SPIN3: variants seen among roughly 807,000 people sequenced by gnomAD.
The protein encoded by SPIN3 is spindlin family member 3, also known as spindlin-3.
For missense variants in SPIN3, 176 were observed against 196.4 expected (o/e 0.90, Z 0.62); for synonymous variants, 74 against 74.3 (o/e 1.00, Z 0.02).
chrX:56,985,607 G>A (rs778855640), intron 2 of SPIN3, among the ~76,000 whole-genome samples: 15 of 112,144 alleles, frequency 1.3e-4, no homozygotes, highest in Non-Finnish European at 2.1e-4. Flanking sequence ...CCCCAAGGGC[G>A]CTGCTTAATA....
Position 56,991,819 on chromosome X carries a change from A to G in SPIN3, c.*2352T>C, listed in dbSNP as rs1252900880. On this transcript the variant is annotated 3_prime_UTR_variant, in exon 2 of 2. Transcript: ENST00000374919. ...ACTCTAAGGCTACATTACACCCTAGACTGAAAATTTGATCACAATTGCAGC... is the reference window on the plus strand; with the variant it reads ...ACTCTAAGGCTACATTACACCCTAGGCTGAAAATTTGATCACAATTGCAGC... The G allele has an allele frequency of 4.4e-5, 9 of 203,260 alleles. No individual in the cohort carries two copies. Among genetic ancestry groups the G allele is most frequent in the Non-Finnish European group, 7.1e-5 (8 of 111,941 alleles). The allele number at this position is 203,260 out of a possible 1,213,427, so 16.8% of individuals were successfully genotyped here. A position where few individuals can be genotyped will look rare whatever the true frequency, so the allele number is the denominator to read the frequency against.
downstream of SPIN3, among the ~76,000 whole-genome samples, chrX:56,986,563 G>A (rs143114698): frequency 5.5e-4 from 61 of 111,765 alleles, 1 homozygote; most frequent in East Asian, 0.016. Flanking sequence ...ATTAAGATGT[G>A]CCCAACACAT....
rs1924425388 is a variant in SPIN3, at chrX:56,994,228, G to A, written c.720C>T (p.Phe240=). The part of the protein sequence containing the change: ...HQVEAKPSVY[F]IKFDDDFHIY... ...TATGGAAATCATCATCAAATTTGAT[G>A]AAGTACACAGAGGGTTTTGCTTCTA... Residue 240 remains phenylalanine, a synonymous_variant, in exon 2 of 2, where the codon TTC becomes TTT. Transcript: ENST00000374919. 2.5e-6 allele frequency: 3 copies of A among 1,209,863 alleles called. No homozygotes were observed. The East Asian group carries it at 8.9e-5, about 36-fold the overall frequency.
rs1478878816 is a variant in SPIN3, at chrX:56,993,240, A to G, written c.*931T>C. ...TTTGATTCTAGGTTTCTCCTCTTTC[A>G]TTTTGAGGTTCTGGACAGATCTGTC... On this transcript the variant is annotated 3_prime_UTR_variant, in exon 2 of 2. Transcript: ENST00000374919. The G allele has an allele frequency of 8.9e-6, 1 of 111,781 alleles. No homozygotes were observed. Among genetic ancestry groups the G allele is most frequent in the African/African-American group, 3.3e-5 (1 of 30,719 alleles). 9.2% of individuals were successfully genotyped at this position (111,781 alleles called of 1,213,427 possible).
At chrX:56,979,862 C>T (rs1370240231) in intron 3 of SPIN3, 2 of 112,270 alleles carry the variant, frequency 1.8e-5, no homozygotes, top group African/African-American at 6.5e-5. Flanking sequence ...ATTCTCTGGA[C>T]TTGGTCCTAA....
rs764698694 is a variant in SPIN3 at position 56,992,599 on chromosome X, T to A, written c.*1572A>T. ...TGAACTTAAACTAATTTGGAAGATATCTTGCAGTACAGTCCCAATATGATT... is the reference window on the plus strand; with the variant it reads ...TGAACTTAAACTAATTTGGAAGATAACTTGCAGTACAGTCCCAATATGATT... On this transcript the variant is annotated 3_prime_UTR_variant, in exon 2 of 2. Transcript: ENST00000374919. The A allele has an allele frequency of 3.4e-6, 1 of 295,405 alleles. No individual in the cohort carries two copies. The highest frequency in any genetic ancestry group is 2.1e-4 in the South Asian group (1 of 4,794). 24.3% of individuals were successfully genotyped at this position (295,405 alleles called of 1,213,427 possible). A position where few individuals can be genotyped will look rare whatever the true frequency, so the allele number is the denominator to read the frequency against.
At chrX:56,995,087 G>T in intron 1 of SPIN3, 129 bp downstream of exon 1, 1 of 747,091 alleles carries the variant, frequency 1.3e-6, no homozygotes, top group Non-Finnish European at 1.9e-6. Flanking sequence ...AGATAGCAAA[G>T]CTGGAAATCA....
chrX:56,984,399 C>A (rs1924179137), exon 3 of SPIN3: 7 of 315,172 alleles, frequency 2.2e-5, no homozygotes, highest in South Asian at 1.4e-4. Flanking sequence ...GGTGCTCACA[C>A]CGGTGGACAC....
rs937877744 is a variant in SPIN3, at chrX:56,995,229, GCA to G, written c.-18_-17del. Reference sequence around the variant, plus strand: ...TTCCAACACTACCCGGCCAGGAGGCGCAGATTCCCCACCGTCCCGGATTGCGG... The same window carrying G: ...TTCCAACACTACCCGGCCAGGAGGCGGATTCCCCACCGTCCCGGATTGCGG... On this transcript the variant is annotated 5_prime_UTR_variant, in exon 1 of 2. Coordinates refer to ENST00000374919, the MANE Select transcript of SPIN3 (RefSeq NM_001010862.3). 5 of 302,560 alleles carry G rather than the reference GCA, an allele frequency of 1.7e-5. No individual in the cohort carries two copies. In the Admixed American group the frequency reaches 2.8e-4, roughly 17 times the overall value. The allele number at this position is 302,560 out of a possible 1,213,427, so 24.9% of individuals were successfully genotyped here. A position where few individuals can be genotyped will look rare whatever the true frequency, so the allele number is the denominator to read the frequency against.
In SPIN3 at chrX:56,992,756, A is replaced by T; in HGVS notation, c.*1415T>A. On this transcript the variant is annotated 3_prime_UTR_variant, in exon 2 of 2. Transcript: ENST00000374919. ...TGGCCAGGTGCTTCTCTCAAAAACC[A>T]TGCTTGTACTTCAACTTTTCTTTCC... is the stretch of plus-strand genomic sequence containing the variant. 3.6e-6 allele frequency: 1 copy of T among 279,214 alleles called. No individual in the cohort carries two copies. 23.0% of individuals were successfully genotyped at this position (279,214 alleles called of 1,213,427 possible).
At chrX:56,979,665 C>A (rs1459773804) in intron 3 of SPIN3, 1 of 111,759 alleles carries the variant, frequency 8.9e-6, no homozygotes, top group Non-Finnish European at 1.9e-5. Flanking sequence ...ACATTCTAAA[C>A]CATGTTAAAA....
Position 56,990,961 on chromosome X carries a change from T to C in SPIN3, c.*3210A>G, listed in dbSNP as rs1171331093. The stretch of plus-strand genomic sequence containing the variant: ...GATACACACATACCCACACACAATA[T>C]GCTTGTAAATACATGGAATATCTCT... On this transcript the variant is annotated 3_prime_UTR_variant, in exon 2 of 2. Coordinates refer to ENST00000374919, the MANE Select transcript of SPIN3 (RefSeq NM_001010862.3). 9.2e-6 allele frequency: 1 copy of C among 109,248 alleles called. No homozygotes were observed. The highest frequency in any genetic ancestry group is 1.9e-5 in the Non-Finnish European group (1 of 52,606). 9.0% of individuals were successfully genotyped at this position (109,248 alleles called of 1,213,427 possible). A position where few individuals can be genotyped will look rare whatever the true frequency, so the allele number is the denominator to read the frequency against.
chrX:56,992,104 G>A lies in SPIN3; in HGVS notation c.*2067C>T, dbSNP rs938734208. 1 of 295,596 alleles carries A rather than the reference G, an allele frequency of 3.4e-6. No homozygotes were observed. Among genetic ancestry groups the A allele is most frequent in the East Asian group, 4.8e-5 (1 of 20,982 alleles). The allele number at this position is 295,596 out of a possible 1,213,427, so 24.4% of individuals were successfully genotyped here. On this transcript the variant is annotated 3_prime_UTR_variant, in exon 2 of 2. Coordinates refer to ENST00000374919, the MANE Select transcript of SPIN3 (RefSeq NM_001010862.3). ...AAAATTCTGCCTTTCCCAATTTCTC[G>A]TTTTTCTCATTTCAGCCATATAGAT...
chrX:56,983,273 G>A (rs5960235), intron 3 of SPIN3, among the ~76,000 whole-genome samples: 60,109 of 110,302 alleles, frequency 0.54, 14,490 homozygotes, highest in Non-Finnish European at 0.75. Flanking sequence ...GTTCTTTTAC[G>A]TGCCCCGCAG....
rs765455142 is a variant in SPIN3, at chrX:56,995,295, C to T, written c.-82G>A. On this transcript the variant is annotated 5_prime_UTR_variant, in exon 1 of 2. Transcript: ENST00000374919. ...AAATCGGACACCTCGCCGTTGCCTC[C>T]GCAGTGAGCCTATGGAGGAGGAAAA... The T allele has an allele frequency of 3.3e-4, 70 of 213,067 alleles. No individual in the cohort carries two copies. The highest frequency in any genetic ancestry group is 1.4e-3 in the African/African-American group (48 of 34,650). The allele number at this position is 213,067 out of a possible 1,213,427, so 17.6% of individuals were successfully genotyped here. A position where few individuals can be genotyped will look rare whatever the true frequency, so the allele number is the denominator to read the frequency against.
chrX:56,994,400 T>G lies in SPIN3; in HGVS notation c.548A>C (p.Asp183Ala), dbSNP rs747449264. The G allele has an allele frequency of 8.3e-7, 1 of 1,209,688 alleles. No homozygotes were observed. Among genetic ancestry groups the G allele is most frequent in the Admixed American group, 2.2e-5 (1 of 45,804 alleles). Residue 183 changes from aspartate (D) to alanine (A), a missense_variant, in exon 2 of 2, where the codon GAT becomes GCT. Coordinates refer to ENST00000374919, the MANE Select transcript of SPIN3 (RefSeq NM_001010862.3). ...ATCTTGAAGGATGCGGAGGTCACCA[T>G]CTTTATAATCATCTAAGAGCTGGTA... ...YMYQLLDDYK[D>A]GDLRILQDSN...
chrX:56,993,446 T>A lies in SPIN3; in HGVS notation c.*725A>T, dbSNP rs1444372405. On this transcript the variant is annotated 3_prime_UTR_variant, in exon 2 of 2. Transcript: ENST00000374919. Reference sequence around the variant, plus strand: ...GAGCTATTGGAGACAAGAGAGACCCTAATGCCACTGATGACTAAAACCTTT... The same window carrying A: ...GAGCTATTGGAGACAAGAGAGACCCAAATGCCACTGATGACTAAAACCTTT... The A allele has an allele frequency of 9.0e-6, 1 of 111,653 alleles. No individual in the cohort carries two copies. The highest frequency in any genetic ancestry group is 1.9e-5 in the Non-Finnish European group (1 of 53,162). 9.2% of individuals were successfully genotyped at this position (111,653 alleles called of 1,213,427 possible). A position where few individuals can be genotyped will look rare whatever the true frequency, so the allele number is the denominator to read the frequency against.
downstream of SPIN3, among the ~76,000 whole-genome samples, chrX:56,988,319 C>A (rs768928568): frequency 1.3e-4 from 14 of 111,226 alleles, no homozygotes; most frequent in Non-Finnish European, 2.3e-4. Context: ...TAATTTGGAA[C>A]TTTGTATGAT....
intron 2 of SPIN3, among the ~76,000 whole-genome samples, chrX:56,985,456 C>T (rs1409213028): frequency 8.9e-6 from 1 of 112,315 alleles, no homozygotes; most frequent in East Asian, 2.8e-4. Context: ...GTTGAAAGGC[C>T]TGTAAATATT....
Sources: gnomAD v4.1 joint callset for allele counts (sites outside exome capture counted in the v4.1 genomes callset) on GRCh38, gnomAD v4.1.1 for gene constraint, MANE v1.5 for transcripts, NCBI Gene and HGNC (gene_info 2026-07-23, HGNC 2026-07-21) for gene names.